PDE10A: variants seen among roughly 807,000 people sequenced by gnomAD.
The protein encoded by PDE10A is phosphodiesterase 10A.
PDE10A carries 39 observed loss-of-function variants against 97.7 expected under a neutral mutation model. The ratio of observed to expected loss-of-function variants is 0.40; its 90% confidence interval spans 0.31 to 0.52. The LOEUF is 0.52. Among genes scored for constraint, PDE10A ranks in the 20% least tolerant of loss-of-function variants. The probability of loss-of-function intolerance (pLI) is 0.56; values close to 1 mark genes in which losing one functional copy is unlikely to be tolerated. For missense variants in PDE10A, 731 were observed against 1,047.8 expected (o/e 0.70, Z 4.17); for synonymous variants, 371 against 376.8 (o/e 0.98, Z 0.18).
intron 1 of PDE10A, among the ~76,000 whole-genome samples, chr6:165,877,933 C>T (rs1781387463): frequency 6.6e-6 from 1 of 152,164 alleles, no homozygotes; most frequent in Admixed American, 6.5e-5. Context: ...TAAAACCACA[C>T]TCTGAGTAAG....
At chr6:165,633,390 T>C (rs908820119) in intron 1 of PDE10A, among the ~76,000 whole-genome samples, 2 of 152,220 alleles carry the variant, frequency 1.3e-5, no homozygotes, top group African/African-American at 2.4e-5. Context: ...AGATATCCTA[T>C]ACATTAACTT....
intron 1 of PDE10A, among the ~76,000 whole-genome samples, chr6:165,799,320 G>A (rs1367880315): frequency 6.6e-6 from 1 of 152,216 alleles, no homozygotes; most frequent in Non-Finnish European, 1.5e-5. Flanking sequence ...TGCTAGAGGA[G>A]CAGAGATTGG....
intron 2 of PDE10A, among the ~76,000 whole-genome samples, chr6:165,527,810 T>C (rs677382): frequency 0.69 from 105,317 of 152,072 alleles, 39,773 homozygotes; most frequent in Non-Finnish European, 0.83. Flanking sequence ...CTTCTCTTCC[T>C]CAGTCTGTCA....
chr6:165,648,466 G>C lies in PDE10A; in HGVS notation c.865+13481C>G, dbSNP rs541958304. On this transcript the variant is annotated intron_variant, in intron 1 of 21. Coordinates refer to ENST00000539869, the MANE Select transcript of PDE10A (RefSeq NM_001385079.1). Reference sequence around the variant, plus strand: ...GAATTACATCTCTTTCTATACACGTGCCCTCTCTGAAGCTGATCTCCACCT... The same window carrying C: ...GAATTACATCTCTTTCTATACACGTCCCCTCTCTGAAGCTGATCTCCACCT... Among the ~76,000 whole-genome samples the C allele has an allele frequency of 2.3e-4, 34 of 151,078 alleles. No homozygotes were observed. In the East Asian group the frequency reaches 5.8e-3, roughly 26 times the overall value.
chr6:165,823,572 T>C (rs1486617491), intron 1 of PDE10A, among the ~76,000 whole-genome samples: 7 of 117,322 alleles, frequency 6.0e-5, no homozygotes, highest in African/African-American at 1.9e-4. Context: ...ATACTTTATA[T>C]ATAAATATTC....
At chr6:165,440,449 C>G (rs1049913096) in intron 5 of PDE10A, among the ~76,000 whole-genome samples, 1 of 152,042 alleles carries the variant, frequency 6.6e-6, no homozygotes, top group African/African-American at 2.4e-5. Context: ...AATCAAGTAA[C>G]AAAGGGGCAG....
At position 165,334,134 on chromosome 6, in the gene PDE10A, C is replaced by T. The variant is rs531197142; in HGVS notation, c.3066-1007G>A. Among the ~76,000 whole-genome samples the T allele has an allele frequency of 2.2e-4, 34 of 152,338 alleles. No homozygotes were observed. The South Asian group carries it at 4.3e-3, about 19-fold the overall frequency. On this transcript the variant is annotated intron_variant, in intron 21 of 21. Transcript: ENST00000539869. Reference sequence around the variant, plus strand: ...TTGGACACCGATGATACATCATACGCTTTTTAAGCGTTAATAAGATTAAAA... The same window carrying T: ...TTGGACACCGATGATACATCATACGTTTTTTAAGCGTTAATAAGATTAAAA...
At position 165,486,554 on chromosome 6, in the gene PDE10A, A is replaced by G. The variant is rs767226653; in HGVS notation, c.995-4211T>C. Among the ~76,000 whole-genome samples, 3 of 152,242 alleles carry G rather than the reference A, an allele frequency of 2.0e-5. No individual in the cohort carries two copies. The South Asian group carries it at 6.2e-4, about 31-fold the overall frequency. On this transcript the variant is annotated intron_variant, in intron 2 of 21. Coordinates refer to ENST00000539869, the MANE Select transcript of PDE10A (RefSeq NM_001385079.1). ...CAACGTTCAGCAGAATGTGATTAAAAGTATCAACCACATTAAAGTACGTGC... is the reference window on the plus strand; with the variant it reads ...CAACGTTCAGCAGAATGTGATTAAAGGTATCAACCACATTAAAGTACGTGC...
At chr6:165,696,847 C>A (rs1293169948) in intron 1 of PDE10A, among the ~76,000 whole-genome samples, 11 of 151,970 alleles carry the variant, frequency 7.2e-5, no homozygotes, top group Non-Finnish European at 1.5e-4. Context: ...GAAAGATAAA[C>A]TATGAAAAAG....
At chr6:165,836,116 C>T (rs1404281900) in intron 1 of PDE10A, among the ~76,000 whole-genome samples, 2 of 152,132 alleles carry the variant, frequency 1.3e-5, no homozygotes, top group Admixed American at 6.5e-5. Flanking sequence ...CTGGTAGGAG[C>T]CAAGTTTCCT....
At position 165,597,301 on chromosome 6, in the gene PDE10A, T is replaced by C. The variant is rs1375202527; in HGVS notation, c.866-53733A>G. Among the ~76,000 whole-genome samples the C allele has an allele frequency of 4.2e-5, 6 of 144,014 alleles. No homozygotes were observed. In the South Asian group the frequency reaches 8.8e-4, roughly 21 times the overall value. The allele number at this position is 144,014 out of a possible 152,430, so 94.5% of individuals were successfully genotyped here. On this transcript the variant is annotated intron_variant, in intron 1 of 21. Transcript: ENST00000539869. ...TACAGACCATGGATTAAGAAAATTA[T>C]CCTGGTGGATTAAGTTTCTTAATAG...
intron 18 of PDE10A, among the ~76,000 whole-genome samples, chr6:165,364,080 A>C (rs1783606842): frequency 6.6e-6 from 1 of 152,226 alleles, no homozygotes; most frequent in Admixed American, 6.5e-5. Flanking sequence ...AGAGGAAGGA[A>C]GGATCAGTAA....
chr6:165,636,716 C>T (rs866179099), intron 1 of PDE10A, among the ~76,000 whole-genome samples: 5 of 152,162 alleles, frequency 3.3e-5, no homozygotes, highest in Admixed American at 6.5e-5. Context: ...TGCATCTGCC[C>T]GAACACATTT....
At chr6:165,638,490 T>C (rs1308425006) in intron 1 of PDE10A, among the ~76,000 whole-genome samples, 1 of 152,246 alleles carries the variant, frequency 6.6e-6, no homozygotes, top group African/African-American at 2.4e-5. Context: ...TTGTGTTGTG[T>C]TCTGAAAGGA....
At chr6:165,652,982 T>C (rs1789757621) in intron 1 of PDE10A, among the ~76,000 whole-genome samples, 1 of 152,202 alleles carries the variant, frequency 6.6e-6, no homozygotes, top group Non-Finnish European at 1.5e-5. Context: ...AGCTCGGGCA[T>C]ATGGACACGC....
rs1302469007 is a variant in PDE10A at position 165,329,109 on chromosome 6, A to C, written c.*3916T>G. On this transcript the variant is annotated 3_prime_UTR_variant, in exon 22 of 22. Coordinates refer to ENST00000539869, the MANE Select transcript of PDE10A (RefSeq NM_001385079.1). The stretch of plus-strand genomic sequence containing the variant: ...ATTAAATCCTAAATAAAATCTGCAA[A>C]GTGTAGAAAGCAAACATATGTTCGA... 5 of 152,242 alleles carry C rather than the reference A, an allele frequency of 3.3e-5. No individual in the cohort carries two copies. The highest frequency in any genetic ancestry group is 6.5e-5 in the Admixed American group (1 of 15,292). 9.4% of individuals were successfully genotyped at this position (152,242 alleles called of 1,614,324 possible).
At chr6:165,482,377 T>C (rs1490999195) in intron 2 of PDE10A, 34 bp from the exon 3 acceptor site, 1 of 1,552,492 alleles carries the variant, frequency 6.4e-7, no homozygotes. Context: ...AAAAACACAA[T>C]TAGCGACTGA....
At chr6:165,853,825 T>C (rs1780638503) in intron 1 of PDE10A, among the ~76,000 whole-genome samples, 1 of 152,232 alleles carries the variant, frequency 6.6e-6, no homozygotes, top group Non-Finnish European at 1.5e-5. Context: ...AATAGGGCAC[T>C]AGGTCTTTCA....
intron 1 of PDE10A, among the ~76,000 whole-genome samples, chr6:165,863,198 G>A (rs2500484): frequency 6.6e-6 from 1 of 152,280 alleles, no homozygotes; most frequent in African/African-American, 2.4e-5. Flanking sequence ...AGGTGGTCTA[G>A]GTTGTCCTGC....
Sources: gnomAD v4.1 joint callset for allele counts (sites outside exome capture counted in the v4.1 genomes callset) on GRCh38, gnomAD v4.1.1 for gene constraint, MANE v1.5 for transcripts, NCBI Gene and HGNC (gene_info 2026-07-23, HGNC 2026-07-21) for gene names.